Variants in DGKG observed in about 807,000 individuals in gnomAD.
DGKG encodes diacylglycerol kinase gamma, also known as DAG kinase gamma.
A neutral mutation model predicts 105.3 loss-of-function variants in DGKG; 78 were observed. The observed-to-expected ratio is 0.74, with a 90% confidence interval of 0.62 to 0.89. The LOEUF is 0.89. DGKG is among the 40% of genes least tolerant of loss of function. The probability of loss-of-function intolerance (pLI) is 0.00; values close to 1 mark genes in which losing one functional copy is unlikely to be tolerated. For missense variants in DGKG, 958 were observed against 1,020.1 expected, an observed-to-expected ratio of 0.94 and a Z score of 0.83; for synonymous variants, 346 against 367.1, an observed-to-expected ratio of 0.94 and a Z score of 0.66.
chr3:186,224,659 G>T (rs1719761798), intron 20 of DGKG, among the ~76,000 whole-genome samples: 1 of 152,142 alleles, frequency 6.6e-6, no homozygotes, highest in East Asian at 1.9e-4. Flanking sequence ...TACATTAAAA[G>T]CTCTACAATA....
At chr3:186,261,934 G>A (rs1393535646) in intron 14 of DGKG, 156 bp from the exon 15 acceptor site, 1 of 565,200 alleles carries the variant, frequency 1.8e-6, no homozygotes, top group Admixed American at 3.1e-5. Context: ...GAGGGGCTAA[G>A]TAGCTAAGTG....
At chr3:186,310,712 A>G (rs891692321) in intron 2 of DGKG, among the ~76,000 whole-genome samples, 13 of 152,212 alleles carry the variant, frequency 8.5e-5, no homozygotes, top group African/African-American at 2.9e-4. Context: ...AGCCTTTACC[A>G]TAATACCAGC....
At chr3:186,262,070 A>C (rs1442630583) in intron 14 of DGKG, 1 of 278,042 alleles carries the variant, frequency 3.6e-6, no homozygotes, top group African/African-American at 2.3e-5. Context: ...TACCTACAGC[A>C]CAAGATGAAA....
intron 5 of DGKG, among the ~76,000 whole-genome samples, chr3:186,292,084 A>G (rs1723335864): frequency 6.6e-6 from 1 of 152,158 alleles, no homozygotes; most frequent in Admixed American, 6.5e-5. Context: ...TACGACCCTC[A>G]GGTACCACCA....
At chr3:186,265,657 C>CTTTTTTTTTTTTTTTTT (rs68014632) in intron 13 of DGKG, among the ~76,000 whole-genome samples, 2 of 77,378 alleles carry the variant, frequency 2.6e-5, no homozygotes, top group Admixed American at 3.5e-4. Context: ...TTCTTCCTTT[C>CTTTTTTTTTTTTTTTTT]TTTTTTTTTT....
At chr3:186,292,817 A>G (rs905649963) in intron 5 of DGKG, among the ~76,000 whole-genome samples, 4 of 152,266 alleles carry the variant, frequency 2.6e-5, no homozygotes, top group East Asian at 1.9e-4. Context: ...CAAAAAAAAA[A>G]AGAAGAAACT....
At chr3:186,315,976 A>C (rs3819845) in intron 2 of DGKG, among the ~76,000 whole-genome samples, 98,208 of 152,152 alleles carry the variant, frequency 0.65, 31,840 homozygotes, top group Middle Eastern at 0.68. Flanking sequence ...CCCTGAGCTG[A>C]CATGTTAGAT....
intron 20 of DGKG, among the ~76,000 whole-genome samples, chr3:186,212,205 C>T (rs985597823): frequency 6.6e-6 from 1 of 152,188 alleles, no homozygotes; most frequent in Non-Finnish European, 1.5e-5. Context: ...GAAGTCAAGC[C>T]AGAGGTGGCA....
At position 186,233,572 on chromosome 3, in the gene DGKG, C is replaced by T. The variant is rs1323419158; in HGVS notation, c.1826+8932G>A. ...TCGGCTCACTGCAAGCTCCGCCTCC[C>T]GGGTTCACGCCATTCTCCTGCCTCA... On this transcript the variant is annotated intron_variant, in intron 20 of 24. Transcript: ENST00000265022. Among the ~76,000 whole-genome samples the T allele has an allele frequency of 2.0e-5, 3 of 152,148 alleles. No individual in the cohort carries two copies. The East Asian group carries it at 5.8e-4, about 29-fold the overall frequency.
intron 2 of DGKG, among the ~76,000 whole-genome samples, chr3:186,314,855 T>C (rs957490446): frequency 1.3e-5 from 2 of 152,124 alleles, no homozygotes; most frequent in African/African-American, 4.8e-5. Context: ...GTTTAATGGA[T>C]GCTTCTTCAG....
chr3:186,186,734 C>A (rs988155165), intron 22 of DGKG, among the ~76,000 whole-genome samples: 1 of 152,228 alleles, frequency 6.6e-6, no homozygotes, highest in South Asian at 2.1e-4. Flanking sequence ...TCCAGCTCAC[C>A]TGTCCATTGA....
chr3:186,184,334 A>G (rs1464785738), intron 22 of DGKG, among the ~76,000 whole-genome samples: 1 of 152,134 alleles, frequency 6.6e-6, no homozygotes, highest in Non-Finnish European at 1.5e-5. Flanking sequence ...GCTTTTCCCA[A>G]TACCCCTTAT....
chr3:186,191,631 C>A (rs1037094184), intron 21 of DGKG, among the ~76,000 whole-genome samples: 1 of 152,256 alleles, frequency 6.6e-6, no homozygotes, highest in Non-Finnish European at 1.5e-5. Flanking sequence ...CAGAATGGCA[C>A]AGTCCTGTTG....
At chr3:186,299,730 C>A (rs1456999254) in intron 3 of DGKG, among the ~76,000 whole-genome samples, 1 of 151,952 alleles carries the variant, frequency 6.6e-6, no homozygotes, top group African/African-American at 2.4e-5. Flanking sequence ...ATAACAAAAT[C>A]TTTTCTTCCT....
intron 22 of DGKG, among the ~76,000 whole-genome samples, chr3:186,171,728 G>T (rs1560079589): frequency 6.6e-6 from 1 of 152,194 alleles, no homozygotes; most frequent in African/African-American, 2.4e-5. Context: ...TGCCCAGATT[G>T]TACTGGGTAA....
chr3:186,228,888 C>A (rs562098002), intron 20 of DGKG, among the ~76,000 whole-genome samples: 1 of 152,180 alleles, frequency 6.6e-6, no homozygotes, highest in Non-Finnish European at 1.5e-5. Context: ...TGAATTGTGT[C>A]CCCCCCAAAA....
chr3:186,221,299 A>G (rs1489381998), intron 20 of DGKG, among the ~76,000 whole-genome samples: 1 of 152,160 alleles, frequency 6.6e-6, no homozygotes, highest in African/African-American at 2.4e-5. Context: ...TCCAGTTAGT[A>G]TCTGTCCTTG....
chr3:186,267,551 A>T, intron 13 of DGKG, 134 bp downstream of exon 13: 1 of 709,608 alleles, frequency 1.4e-6, no homozygotes, highest in Non-Finnish European at 2.5e-6. Flanking sequence ...ACAGTAAAAA[A>T]AGAAAGAAAA....
intron 20 of DGKG, among the ~76,000 whole-genome samples, chr3:186,234,884 AAC>A (rs949006096): frequency 2.0e-5 from 3 of 152,202 alleles, no homozygotes; most frequent in African/African-American, 7.2e-5. Flanking sequence ...AAATATTAAT[AAC>A]AGACTCCCAA....
Sources: gnomAD v4.1 joint callset for allele counts (sites outside exome capture counted in the v4.1 genomes callset) on GRCh38, gnomAD v4.1.1 for gene constraint, MANE v1.5 for transcripts, NCBI Gene and HGNC (gene_info 2026-07-23, HGNC 2026-07-21) for gene names.